Variants in KCNH4 observed in about 807,000 individuals in gnomAD.
KCNH4 encodes potassium voltage-gated channel subfamily H member 4, also known as voltage-gated delayed rectifier potassium channel KCNH4.
Under a neutral mutation model 90.7 loss-of-function variants are expected in KCNH4, and 33 were observed. That is an observed-to-expected ratio of 0.36 (90% confidence interval 0.28 to 0.49). KCNH4 has a LOEUF of 0.49. Ranked by LOEUF, KCNH4 falls within the 20% of genes least tolerant of loss-of-function variation. The pLI is 0.98. For synonymous variants in KCNH4, 551 were observed against 581.7 expected, an observed-to-expected ratio of 0.95 and a Z score of 0.76; for missense variants, 1,044 against 1,387.1, an observed-to-expected ratio of 0.75 and a Z score of 3.93.
At chr17:42,168,772 A>ATTTTTTTTTT (rs1568034449) in intron 9 of KCNH4, among the ~76,000 whole-genome samples, 1 of 150,548 alleles carries the variant, frequency 6.6e-6, no homozygotes, top group African/African-American at 2.4e-5. Flanking sequence ...TTTTATTTTT[A>ATTTTTTTTTT]TTTTTATTTT....
rs765016708 is a variant in KCNH4 at position 42,169,480 on chromosome 17, G to A, written c.1587C>T (p.Asn529=). The part of the protein sequence containing the change: ...TWAVNSGIDA[N]ELLRDFPDEL... ...GATTGGAGACCCTGCAGGCTACCTC[G>A]TTGGCGTCGATGCCGCTGTTGACGG... The change falls in exon 9 of 17, where the codon AAC becomes AAT. Residue 529 remains asparagine (N), a synonymous_variant. Coordinates refer to ENST00000264661, the MANE Select transcript of KCNH4 (RefSeq NM_012285.3). The A allele has an allele frequency of 5.0e-6, 8 of 1,612,634 alleles. No individual in the cohort carries two copies. In the East Asian group the frequency reaches 6.7e-5, roughly 13 times the overall value.
chr17:42,169,993 G>T, intron 8 of KCNH4, 114 bp downstream of exon 8: 2 of 1,117,692 alleles, frequency 1.8e-6, no homozygotes, highest in Non-Finnish European at 2.5e-6. Context: ...ATGCGTGACT[G>T]TCTGGACTTG....
At chr17:42,171,348 G>A (rs1402496522) in intron 7 of KCNH4, among the ~76,000 whole-genome samples, 1 of 152,036 alleles carries the variant, frequency 6.6e-6, no homozygotes, top group African/African-American at 2.4e-5. Flanking sequence ...GAGGTGTCAG[G>A]GACCATGCCC....
Position 42,175,707 on chromosome 17 carries a change from C to T in KCNH4, c.859G>A (p.Val287Met), listed in dbSNP as rs1255253598. 1.2e-6 allele frequency: 2 copies of T among 1,614,016 alleles called. No homozygotes were observed. Among genetic ancestry groups the T allele is most frequent in the South Asian group, 1.1e-5 (1 of 91,082 alleles). ...DIILNFRTTYVSQSGQVISAP... is the reference protein window; with the variant it reads ...DIILNFRTTYMSQSGQVISAP... ...GAGATTACCTGGCCGGACTGGGACA[C>T]ATAGGTGGTGCGGAAGTTCAGGATG... The change falls in exon 6 of 17, where the codon GTG becomes ATG. Residue 287 changes from valine (V) to methionine (M), a missense_variant. Transcript: ENST00000264661.
At chr17:42,175,143 T>C (rs1258350464) in intron 6 of KCNH4, among the ~76,000 whole-genome samples, 1 of 152,246 alleles carries the variant, frequency 6.6e-6, no homozygotes, top group Non-Finnish European at 1.5e-5. Flanking sequence ...CTTCTGTCCC[T>C]GATGTGCTCT....
rs1300732360 is a variant in KCNH4, at chr17:42,163,404, G to T, written c.2478-70C>A. On this transcript the variant is annotated intron_variant, in intron 13 of 16. Coordinates refer to ENST00000264661, the MANE Select transcript of KCNH4 (RefSeq NM_012285.3). This position sits in a 1 kb window ranked among gnomAD's most constrained non-coding sequence, Gnocchi z 5.4. ...GGGCCAGAGCAGAGCAGACAGAGGG[G>T]GACTGGGGGCAGCAGTGCCAGGGGG... 1 of 1,171,378 alleles carries T rather than the reference G, an allele frequency of 8.5e-7. No homozygotes were observed. Among genetic ancestry groups the T allele is most frequent in the East Asian group, 2.4e-5 (1 of 40,970 alleles). 72.6% of individuals were successfully genotyped at this position (1,171,378 alleles called of 1,614,324 possible). A position where few individuals can be genotyped will look rare whatever the true frequency, so the allele number is the denominator to read the frequency against.
In KCNH4 at chr17:42,175,130, C is replaced by T. The variant is rs146079483; in HGVS notation, c.987+449G>A. Among the ~76,000 whole-genome samples the T allele has an allele frequency of 2.3e-3, 351 of 152,346 alleles. 2 individuals are homozygous for T. Among genetic ancestry groups the T allele is most frequent in the African/African-American group, 7.6e-3 (315 of 41,580 alleles). The stretch of plus-strand genomic sequence containing the variant: ...GGGCCCCATCTTCCACCCCCATTCA[C>T]CTCTTCTGTCCCTGATGTGCTCTGT... On this transcript the variant is annotated intron_variant, in intron 6 of 16. Transcript: ENST00000264661.
In KCNH4 at chr17:42,181,056, C is replaced by T. The variant is rs921827657; in HGVS notation, c.-111G>A. 2 of 886,358 alleles carry T rather than the reference C, an allele frequency of 2.3e-6. No individual in the cohort carries two copies. The highest frequency in any genetic ancestry group is 1.8e-5 in the African/African-American group (1 of 56,964). 54.9% of individuals were successfully genotyped at this position (886,358 alleles called of 1,614,324 possible). A position where few individuals can be genotyped will look rare whatever the true frequency, so the allele number is the denominator to read the frequency against. ...GGCGCCCCATGCGCCCTCCTGCCTCCTCCCCTCCCTCTTACTGCCGCTGCC... is the reference window on the plus strand; with the variant it reads ...GGCGCCCCATGCGCCCTCCTGCCTCTTCCCCTCCCTCTTACTGCCGCTGCC... On this transcript the variant is annotated 5_prime_UTR_variant, in exon 1 of 17. Transcript: ENST00000264661.
chr17:42,166,708 C>T (rs1482824444), intron 9 of KCNH4, among the ~76,000 whole-genome samples, 162 bp from the exon 10 acceptor site: 1 of 152,168 alleles, frequency 6.6e-6, no homozygotes, highest in Admixed American at 6.5e-5. Flanking sequence ...CTCAATTTTG[C>T]TTGCTGCATG....
At chr17:42,169,055 G>A (rs974606830) in intron 9 of KCNH4, among the ~76,000 whole-genome samples, 2 of 151,198 alleles carry the variant, frequency 1.3e-5, no homozygotes, top group Admixed American at 6.6e-5. Context: ...ACAGGTGTGA[G>A]CCACTGCGCT....
Position 42,180,999 on chromosome 17 carries a change from G to A in KCNH4, c.-54C>T. On this transcript the variant is annotated 5_prime_UTR_variant, in exon 1 of 17. Coordinates refer to ENST00000264661, the MANE Select transcript of KCNH4 (RefSeq NM_012285.3). The surrounding 1 kb of genome is among the most constrained non-coding windows in gnomAD (Gnocchi z 4.7). ...CGCTGGGGAGCTTTCAGCGCGGCCG[G>A]GCCGGAGGGGGCGCGCTGTCGGAGG... 6.5e-7 allele frequency: 1 copy of A among 1,531,456 alleles called. No individual in the cohort carries two copies. The highest frequency in any genetic ancestry group is 1.1e-5 in the South Asian group (1 of 87,060). 94.9% of individuals were successfully genotyped at this position (1,531,456 alleles called of 1,614,324 possible).
At chr17:42,165,100 C>A (rs1431617729) in intron 11 of KCNH4, among the ~76,000 whole-genome samples, 1 of 148,660 alleles carries the variant, frequency 6.7e-6, no homozygotes, top group South Asian at 2.1e-4. Flanking sequence ...AGTAAGACTT[C>A]GTCTCAAAAA....
In KCNH4 at chr17:42,163,782, G is replaced by A. The variant is rs2079766386; in HGVS notation, c.2301C>T (p.Pro767=). ...SLVSLLGEEL[P]PFSALVSSPS... Reference sequence around the variant, plus strand: ...GAGAGGAGACAAGGGCTGAGAATGGGGGCAGCTCCTCGCCCAAAAGGCTGA... The same window carrying A: ...GAGAGGAGACAAGGGCTGAGAATGGAGGCAGCTCCTCGCCCAAAAGGCTGA... Residue 767 remains proline (P), a synonymous_variant, in exon 13 of 17, where the codon CCC becomes CCT. Transcript: ENST00000264661. This position sits in a 1 kb window ranked among gnomAD's most constrained non-coding sequence, Gnocchi z 5.4. The A allele has an allele frequency of 6.4e-7, 1 of 1,550,476 alleles. No homozygotes were observed. The highest frequency in any genetic ancestry group is 8.7e-7 in the Non-Finnish European group (1 of 1,149,358).
chr17:42,160,323 G>T lies in KCNH4; in HGVS notation c.2771C>A (p.Thr924Asn), dbSNP rs1192322177. Residue 924 changes from threonine to asparagine, a missense_variant, in exon 16 of 17, where the codon ACC becomes AAC. Transcript: ENST00000264661. ...PPGHPAGSAW[T>N]PDPPCPQLRP... ...CAGCTGTGGACAAGGAGGGTCTGGG[G>T]TCCAAGCGGAGCCTGCTGGGTGGCC... is the stretch of plus-strand genomic sequence containing the variant. 1 of 1,614,016 alleles carries T rather than the reference G, an allele frequency of 6.2e-7. No homozygotes were observed. The highest frequency in any genetic ancestry group is 8.5e-7 in the Non-Finnish European group (1 of 1,180,010).
Position 42,179,004 on chromosome 17 carries a change from G to GTT in KCNH4, c.97_98dup (p.Asn33LysfsTer82). ...TGGGAAAGCCCCGTGTGCCCTGTGC[G>GTT]TTGGCCAGCAGGAAGTTGCTGTCTG... On this transcript the variant is annotated frameshift_variant, in exon 2 of 17. Coordinates refer to ENST00000264661, the MANE Select transcript of KCNH4 (RefSeq NM_012285.3). LOFTEE classifies it high-confidence loss of function. 6.2e-7 allele frequency: 1 copy of GTT among 1,613,478 alleles called. No individual in the cohort carries two copies. The highest frequency in any genetic ancestry group is 8.5e-7 in the Non-Finnish European group (1 of 1,179,390).
Position 42,170,197 on chromosome 17 carries a change from G to C in KCNH4, c.1300C>G (p.Leu434Val). ...SAYIAALYFT[L>V]SSLTSVGFGN... ...AAGCCCACACTGGTGAGGCTGCTTA[G>C]AGTGAAGTACAGTGCCGCGATGTAG... Residue 434 changes from leucine (L) to valine (V), a missense_variant, in exon 8 of 17, where the codon CTA becomes GTA. By Grantham distance (32) the Leu-to-Val change is conservative. Transcript: ENST00000264661. 6.2e-7 allele frequency: 1 copy of C among 1,613,504 alleles called. No homozygotes were observed. The highest frequency in any genetic ancestry group is 8.5e-7 in the Non-Finnish European group (1 of 1,180,008).
intron 16 of KCNH4, among the ~76,000 whole-genome samples, chr17:42,158,610 C>T (rs547161304): frequency 1.4e-3 from 207 of 142,894 alleles, no homozygotes; most frequent in African/African-American, 5.1e-3. Context: ...ACGAGGCAGG[C>T]GGATCAGGAG....
chr17:42,157,832 G>A (rs564072555), intron 16 of KCNH4, among the ~76,000 whole-genome samples: 8 of 151,724 alleles, frequency 5.3e-5, no homozygotes, highest in Non-Finnish European at 1.2e-4. Flanking sequence ...GCCCAGGCTG[G>A]TCTTGAACTC....
At position 42,166,433 on chromosome 17, in the gene KCNH4, T is replaced by C. The variant is rs150474573; in HGVS notation, c.1704A>G (p.Leu568=). ...GAASRGCLRA[L]SLHIKTSFCA... ...AGAACGAGGTCTTGATGTGCAGCGATAGGGCCCGCAGGCAGCCCCTGCTCG... is the reference window on the plus strand; with the variant it reads ...AGAACGAGGTCTTGATGTGCAGCGACAGGGCCCGCAGGCAGCCCCTGCTCG... Residue 568 remains leucine, a synonymous_variant, in exon 10 of 17, where the codon CTA becomes CTG. Transcript: ENST00000264661. 4.0e-5 allele frequency: 64 copies of C among 1,614,084 alleles called. No homozygotes were observed. The highest frequency in any genetic ancestry group is 5.5e-5 in the South Asian group (5 of 91,082).
Sources: gnomAD v4.1 joint callset for allele counts (sites outside exome capture counted in the v4.1 genomes callset) on GRCh38, gnomAD v4.1.1 for gene constraint, Gnocchi (gnomAD v3.1) non-coding constraint, MANE v1.5 for transcripts, NCBI Gene and HGNC (gene_info 2026-07-23, HGNC 2026-07-21) for gene names.